HAVCR1: variants seen among roughly 807,000 people sequenced by gnomAD.
The protein encoded by HAVCR1 is T cell immunoglobin domain and mucin domain protein 1.
A neutral mutation model predicts 32.0 loss-of-function variants in HAVCR1; 34 were observed. The ratio of observed to expected loss-of-function variants is 1.06; its 90% CI spans 0.81 to 1.42. HAVCR1 has a LOEUF of 1.42. HAVCR1 is among the 40% of genes most tolerant of loss of function. HAVCR1 has a pLI of 0.00. For synonymous variants in HAVCR1, 178 were observed against 170.3 expected, an observed-to-expected ratio of 1.05 and a Z score of -0.35; for missense variants, 420 against 442.3, an observed-to-expected ratio of 0.95 and a Z score of 0.45.
chr5:157,042,760 T>C lies in HAVCR1; in HGVS notation c.782-78A>G. The C allele has an allele frequency of 9.3e-6, 8 of 864,442 alleles. No individual in the cohort carries two copies. The South Asian group carries it at 1.2e-4, about 13-fold the overall frequency. The allele number at this position is 864,442 out of a possible 1,614,324, so 53.5% of individuals were successfully genotyped here. A position where few individuals can be genotyped will look rare whatever the true frequency, so the allele number is the denominator to read the frequency against. On this transcript the variant is annotated intron_variant, in intron 5 of 8. Coordinates refer to ENST00000523175, the MANE Select transcript of HAVCR1 (RefSeq NM_001173393.3). ...ACTGCAGACACTAAATATATTCACA[T>C]TACCTTCTGGCGATGAAAAGTTGAA... is the stretch of plus-strand genomic sequence containing the variant.
upstream of HAVCR1, among the ~76,000 whole-genome samples, chr5:157,059,287 A>G (rs1479261590): frequency 1.3e-5 from 2 of 152,208 alleles, no homozygotes; most frequent in African/African-American, 4.8e-5. Context: ...AGTAACTTCC[A>G]AGGAGGCAGT....
In HAVCR1 at chr5:157,045,112, G is replaced by T. The variant is rs149264425; in HGVS notation, c.782-2430C>A. Among the ~76,000 whole-genome samples, 585 of 152,050 alleles carry T rather than the reference G, an allele frequency of 3.8e-3. 7 individuals carry two copies. Among genetic ancestry groups the T allele is most frequent in the Admixed American group, 0.019 (285 of 15,258 alleles). On this transcript the variant is annotated intron_variant, in intron 5 of 8. Transcript: ENST00000523175. ...CTAGATATACATACCTATGATAAAA[G>T]TTCAATTTACAAATTAGGCACAGAA...
chr5:157,056,035 C>T lies in HAVCR1; in HGVS notation c.47-502G>A, dbSNP rs182860771. 3.1e-4 allele frequency among the ~76,000 whole-genome samples: 47 copies of T among 152,008 alleles called. No homozygotes were observed. The East Asian group carries it at 3.3e-3, about 11-fold the overall frequency. ...AAAGATCTTGGCTCACTGCTACCCC[C>T]GCCTCCTGGGTTCAAGCAATTCTCA... On this transcript the variant is annotated intron_variant, in intron 2 of 8. Coordinates refer to ENST00000523175, the MANE Select transcript of HAVCR1 (RefSeq NM_001173393.3).
At position 157,052,439 on chromosome 5, in the gene HAVCR1, T is replaced by C. The variant is rs779558770; in HGVS notation, c.595A>G (p.Thr199Ala). ...SVPTTTSIPT[T>A]TSVPVTTTVS... ...GTTGTTGTCACTGGAACACTTGTTG[T>C]TGTTGGAATGCTCGTTGTCGTTGGA... The change falls in exon 4 of 9, where the codon ACA (threonine) becomes GCA (alanine). Residue 199 changes from threonine to alanine, a missense_variant. Physicochemically the swap from Thr to Ala is moderately conservative, Grantham distance 58. Transcript: ENST00000523175. 8.1e-6 allele frequency: 13 copies of C among 1,613,380 alleles called. No homozygotes were observed. In the East Asian group the frequency reaches 2.9e-4, roughly 36 times the overall value.
Position 157,052,378 on chromosome 5 carries a change from C to T in HAVCR1, c.656G>A (p.Arg219Lys), listed in dbSNP as rs1755790475. 1 of 1,614,016 alleles carries T rather than the reference C, an allele frequency of 6.2e-7. No individual in the cohort carries two copies. The highest frequency in any genetic ancestry group is 8.5e-7 in the Non-Finnish European group (1 of 1,179,992). ...TGTTTTACCTGGTTCATGGTTCTGC[C>T]TGGGCAAAGGCATTGGAGGAACAAA... ...STFVPPMPLP[R>K]QNHEPVATSP... Residue 219 changes from arginine (R) to lysine (K), a missense_variant, in exon 4 of 9, where the codon AGG becomes AAG. Physicochemically the swap from Arg to Lys is conservative, Grantham distance 26. Coordinates refer to ENST00000523175, the MANE Select transcript of HAVCR1 (RefSeq NM_001173393.3).
intron 7 of HAVCR1, among the ~76,000 whole-genome samples, chr5:157,036,283 C>G (rs986837279): frequency 3.9e-5 from 6 of 152,112 alleles, no homozygotes; most frequent in Admixed American, 1.3e-4. Context: ...TCGAGACCAT[C>G]CTGACTAACA....
chr5:157,063,928 C>T (rs1456953605), upstream of HAVCR1, among the ~76,000 whole-genome samples: 4 of 152,160 alleles, frequency 2.6e-5, no homozygotes, highest in Non-Finnish European at 5.9e-5. Flanking sequence ...GGTGTGTTTA[C>T]AGGGCAAGAG....
chr5:157,045,585 T>G (rs1755345784), intron 5 of HAVCR1, among the ~76,000 whole-genome samples: 1 of 152,114 alleles, frequency 6.6e-6, no homozygotes, highest in African/African-American at 2.4e-5. Context: ...CAGAGCAGAT[T>G]TATAGCGCCT....
intron 3 of HAVCR1, among the ~76,000 whole-genome samples, chr5:157,053,836 C>T (rs1755932793): frequency 6.6e-6 from 1 of 151,420 alleles, no homozygotes; most frequent in Admixed American, 6.6e-5. Flanking sequence ...CATCACTGCA[C>T]CCCAGCCTGG....
intron 2 of HAVCR1, among the ~76,000 whole-genome samples, chr5:157,056,391 T>C (rs1260243595): frequency 3.3e-5 from 5 of 151,678 alleles, no homozygotes. Context: ...TCTTCTTTTT[T>C]TTTTTTGAGA....
In HAVCR1 at chr5:157,029,700, T is replaced by A; in HGVS notation, c.*33A>T. 6.2e-7 allele frequency: 1 copy of A among 1,612,484 alleles called. No homozygotes were observed. Among genetic ancestry groups the A allele is most frequent in the Non-Finnish European group, 8.5e-7 (1 of 1,179,898 alleles). ...ATGTCTGTTCAGTCTTCTGCACTCATGGGCGTAAACTCTCAAAGAGCACCA... is the reference window on the plus strand; with the variant it reads ...ATGTCTGTTCAGTCTTCTGCACTCAAGGGCGTAAACTCTCAAAGAGCACCA... On this transcript the variant is annotated 3_prime_UTR_variant, in exon 9 of 9. Coordinates refer to ENST00000523175, the MANE Select transcript of HAVCR1 (RefSeq NM_001173393.3).
Position 157,055,504 on chromosome 5 carries a change from C to A in HAVCR1, c.76G>T (p.Gly26Ter). 1 of 1,593,094 alleles carries A rather than the reference C, an allele frequency of 6.3e-7. No homozygotes were observed. ...AGTGTGACAGATGGACCTGCCTCTC[C>A]ACCAACCTTTACAGAACCAGCTACA... ...DSVAGSVKVG[G>*]EAGPSVTLPC... Residue 26 changes from glycine (G) to a stop codon, truncating the protein, a stop_gained, in exon 3 of 9, where the codon GGA (glycine) becomes TGA (stop). Coordinates refer to ENST00000523175, the MANE Select transcript of HAVCR1 (RefSeq NM_001173393.3). LOFTEE classifies it high-confidence loss of function.
At chr5:157,067,255 C>T in the HAVCR1 span, among the ~76,000 whole-genome samples, 11 of 152,294 alleles carry the variant, frequency 7.2e-5, no homozygotes, top group South Asian at 2.3e-3. Flanking sequence ...TCTCTAAAAT[C>T]ATTTCCACTT....
chr5:157,049,885 A>G (rs1755639712), intron 4 of HAVCR1, among the ~76,000 whole-genome samples: 1 of 152,190 alleles, frequency 6.6e-6, no homozygotes, highest in African/African-American at 2.4e-5. Flanking sequence ...TCCATTAGGA[A>G]TTCTCCAGCA....
At chr5:157,051,361 T>C (rs1004108640) in intron 4 of HAVCR1, among the ~76,000 whole-genome samples, 18 of 152,092 alleles carry the variant, frequency 1.2e-4, no homozygotes, top group Non-Finnish European at 2.2e-4. Context: ...AAAGACAGTG[T>C]GGTTGTTTAA....
intron 1 of HAVCR1, chr5:157,058,424 G>A (rs183793800): frequency 0.018 from 2,756 of 154,334 alleles, 117 homozygotes; most frequent in Admixed American, 0.09. Context: ...TTAGCCGGGC[G>A]TGGTCACTGG....
Position 157,057,990 on chromosome 5 carries a change from C to A in HAVCR1, c.-12-35G>T, listed in dbSNP as rs773143694. ...AATGAGCAGACAGGCTGGTTGGTAC[C>A]CTCCACCAGATGGTATCTGATCAAG... is the stretch of plus-strand genomic sequence containing the variant. On this transcript the variant is annotated intron_variant, in intron 1 of 8. Transcript: ENST00000523175. 15 of 1,423,680 alleles carry A rather than the reference C, an allele frequency of 1.1e-5. No homozygotes were observed. The African/African-American group carries it at 2.1e-4, about 20-fold the overall frequency. 88.2% of individuals were successfully genotyped at this position (1,423,680 alleles called of 1,614,324 possible). A position where few individuals can be genotyped will look rare whatever the true frequency, so the allele number is the denominator to read the frequency against.
At position 157,058,913 on chromosome 5, in the gene HAVCR1, A is replaced by T. The variant is rs919658105; in HGVS notation, c.-13+8T>A. Reference sequence around the variant, plus strand: ...GCTTCAGGAAACAGAAGTCTGGAGCAGACTTACGTTCAGATCCAGGCTCTG... The same window carrying T: ...GCTTCAGGAAACAGAAGTCTGGAGCTGACTTACGTTCAGATCCAGGCTCTG... On this transcript the variant is annotated splice_region_variant and intron_variant, in intron 1 of 8. Transcript: ENST00000523175. 4 of 152,282 alleles carry T rather than the reference A, an allele frequency of 2.6e-5. No individual in the cohort carries two copies. Among genetic ancestry groups the T allele is most frequent in the African/African-American group, 9.6e-5 (4 of 41,476 alleles). The allele number at this position is 152,282 out of a possible 1,614,324, so 9.4% of individuals were successfully genotyped here. A position where few individuals can be genotyped will look rare whatever the true frequency, so the allele number is the denominator to read the frequency against.
At chr5:157,038,923 A>G in intron 6 of HAVCR1, among the ~76,000 whole-genome samples, 1 of 152,160 alleles carries the variant, frequency 6.6e-6, no homozygotes, top group Non-Finnish European at 1.5e-5. Flanking sequence ...TGAGCCCAGG[A>G]GTTTGAGACC....
Sources: gnomAD v4.1 joint callset for allele counts (sites outside exome capture counted in the v4.1 genomes callset) on GRCh38, gnomAD v4.1.1 for gene constraint, MANE v1.5 for transcripts, NCBI Gene and HGNC (gene_info 2026-07-23, HGNC 2026-07-21) for gene names.